The following CCDC27 variants were observed in gnomAD, a reference collection of about 807,000 sequenced individuals.
The protein encoded by CCDC27 is coiled-coil domain-containing protein 27.
In CCDC27, 80 loss-of-function variants were observed where a neutral mutation model predicts 80.3. The ratio of observed to expected loss-of-function variants is 1.00; its 90% confidence interval spans 0.83 to 1.20. The LOEUF (loss-of-function observed/expected upper bound fraction) is 1.20. CCDC27 is among the 50% of genes most tolerant of loss of function. CCDC27 has a pLI of 0.00. For missense variants in CCDC27, 815 were observed against 809.4 expected (o/e 1.01, Z -0.08); for synonymous variants, 342 against 334.3 (o/e 1.02, Z -0.25).
At chr1:3,758,247 T>C (rs1643007590) in intron 4 of CCDC27, among the ~76,000 whole-genome samples, 1 of 152,182 alleles carries the variant, frequency 6.6e-6, no homozygotes, top group Non-Finnish European at 1.5e-5. Flanking sequence ...TGGAGTGCAG[T>C]GGCGCCATTC....
Position 3,771,592 on chromosome 1 carries a change from C to T in CCDC27, c.*69C>T. 1 of 1,540,460 alleles carries T rather than the reference C, an allele frequency of 6.5e-7. No homozygotes were observed. The highest frequency in any genetic ancestry group is 1.1e-5 in the South Asian group (1 of 87,256). Reference sequence around the variant, plus strand: ...GGCCCAGCTCCAGAACCACCCGCCCCCACCATGCGTCCTGCTCTCAGACTC... The same window carrying T: ...GGCCCAGCTCCAGAACCACCCGCCCTCACCATGCGTCCTGCTCTCAGACTC... On this transcript the variant is annotated 3_prime_UTR_variant, in exon 12 of 12. Coordinates refer to ENST00000294600, the MANE Select transcript of CCDC27 (RefSeq NM_152492.3).
At position 3,763,602 on chromosome 1, in the gene CCDC27, C is replaced by A; in HGVS notation, c.1322-104C>A. 1 of 1,564,626 alleles carries A rather than the reference C, an allele frequency of 6.4e-7. No individual in the cohort carries two copies. The highest frequency in any genetic ancestry group is 1.2e-5 in the South Asian group (1 of 85,084). Reference sequence around the variant, plus strand: ...AGGGGCAGGTGTCGGCAGCCTCACCCAGGCTGGCAGAGCCCTCCCAGCTGC... The same window carrying A: ...AGGGGCAGGTGTCGGCAGCCTCACCAAGGCTGGCAGAGCCCTCCCAGCTGC... On this transcript the variant is annotated intron_variant, in intron 7 of 11. Coordinates refer to ENST00000294600, the MANE Select transcript of CCDC27 (RefSeq NM_152492.3). The surrounding 1 kb of genome is among the most constrained non-coding windows in gnomAD (Gnocchi z 7.5).
Position 3,754,199 on chromosome 1 carries a change from T to G in CCDC27, c.400T>G (p.Cys134Gly). Residue 134 changes from cysteine (C) to glycine (G), a missense_variant, in exon 2 of 12, where the codon TGC becomes GGC. Coordinates refer to ENST00000294600, the MANE Select transcript of CCDC27 (RefSeq NM_152492.3). The stretch of plus-strand genomic sequence containing the variant: ...AAGGGTCTTCCCCACGCATCCTGAC[T>G]GCCCCCAGTTCAGCACCAGGGCCAC... ...LRRVFPTHPDCPQFSTRATSM... is the reference protein window; with the variant it reads ...LRRVFPTHPDGPQFSTRATSM... The G allele has an allele frequency of 1.2e-6, 2 of 1,613,552 alleles. No individual in the cohort carries two copies. The highest frequency in any genetic ancestry group is 1.7e-6 in the Non-Finnish European group (2 of 1,179,816).
intron 11 of CCDC27, among the ~76,000 whole-genome samples, chr1:3,770,198 C>T (rs545251162): frequency 1.3e-5 from 2 of 152,302 alleles, no homozygotes; most frequent in South Asian, 2.1e-4. Context: ...CCGCTCAGGG[C>T]ACGAAGATTC....
intron 2 of CCDC27, 87 bp downstream of exon 2, chr1:3,754,328 G>A (rs1343397381): frequency 9.0e-6 from 13 of 1,446,958 alleles, no homozygotes; most frequent in Admixed American, 5.2e-5. Context: ...TTCAGCCTGC[G>A]AGCAGCCGCC....
intron 11 of CCDC27, among the ~76,000 whole-genome samples, chr1:3,770,179 G>A (rs915036773): frequency 6.6e-6 from 1 of 152,186 alleles, no homozygotes; most frequent in Admixed American, 6.5e-5. Context: ...GCTGTGGAGA[G>A]GGGACAAGCC....
In CCDC27 at chr1:3,755,543, C is replaced by A; in HGVS notation, c.529C>A (p.Arg177=). The part of the protein sequence containing the change: ...RGTQDLFLAR[R]GSDTNVDGYL... ...CACCCAGGACCTGTTCTTGGCCAGGCGGGGCTCAGACACGAACGTGGACGG... is the reference window on the plus strand; with the variant it reads ...CACCCAGGACCTGTTCTTGGCCAGGAGGGGCTCAGACACGAACGTGGACGG... The change falls in exon 3 of 12, where the codon CGG becomes AGG. Residue 177 remains arginine, a synonymous_variant. Transcript: ENST00000294600. 1 of 1,613,972 alleles carries A rather than the reference C, an allele frequency of 6.2e-7. No homozygotes were observed. Among genetic ancestry groups the A allele is most frequent in the Non-Finnish European group, 8.5e-7 (1 of 1,179,946 alleles).
rs1049798888 is a variant in CCDC27 at position 3,762,610 on chromosome 1, C to A, written c.862-10C>A. On this transcript the variant is annotated splice_polypyrimidine_tract_variant and intron_variant, in intron 5 of 11. Coordinates refer to ENST00000294600, the MANE Select transcript of CCDC27 (RefSeq NM_152492.3). ...GCTGGAAAGCTGAGGGTCCCACGGG[C>A]GTCTTGCAGGAGCAGCTCTCAGACG... The A allele has an allele frequency of 2.2e-5, 34 of 1,549,604 alleles. No individual in the cohort carries two copies. The highest frequency in any genetic ancestry group is 2.8e-5 in the Non-Finnish European group (32 of 1,145,906).
In CCDC27 at chr1:3,757,737, C is replaced by T. The variant is rs561018070; in HGVS notation, c.711+847C>T. On this transcript the variant is annotated intron_variant, in intron 4 of 11. Transcript: ENST00000294600. ...AGGAGATCGAGACCATCCTGGCTAA[C>T]ACGCGAAACCCCGTCTCTACTAAAA... Among the ~76,000 whole-genome samples the T allele has an allele frequency of 3.3e-5, 5 of 152,124 alleles. No individual in the cohort carries two copies. The East Asian group carries it at 9.7e-4, about 30-fold the overall frequency.
chr1:3,755,723 G>A, intron 3 of CCDC27, 156 bp downstream of exon 3: 1 of 645,150 alleles, frequency 1.6e-6, no homozygotes, highest in Non-Finnish European at 2.8e-6. Flanking sequence ...CCTCCCTTGT[G>A]CAGAACTAGC....
rs780310658 is a variant in CCDC27 at position 3,763,312 on chromosome 1, A to G, written c.1159A>G (p.Arg387Gly). ...EGDRDEDSEERELPEEEEIPR... is the reference protein window; with the variant it reads ...EGDRDEDSEEGELPEEEEIPR... ...GGACAGGGATGAGGACTCAGAGGAAAGGGAGCTGCCGGAGGAAGAGGAGAT... is the reference window on the plus strand; with the variant it reads ...GGACAGGGATGAGGACTCAGAGGAAGGGGAGCTGCCGGAGGAAGAGGAGAT... The change falls in exon 7 of 12, where the codon AGG becomes GGG. Residue 387 changes from arginine to glycine, a missense_variant. Coordinates refer to ENST00000294600, the MANE Select transcript of CCDC27 (RefSeq NM_152492.3). The surrounding 1 kb of genome is among the most constrained non-coding windows in gnomAD (Gnocchi z 7.5). The G allele has an allele frequency of 6.8e-6, 11 of 1,609,958 alleles. No individual in the cohort carries two copies. In the South Asian group the frequency reaches 1.2e-4, roughly 18 times the overall value.
In CCDC27 at chr1:3,763,742, A is replaced by G. The variant is rs998446370; in HGVS notation, c.1358A>G (p.Gln453Arg). The G allele has an allele frequency of 6.2e-7, 1 of 1,614,010 alleles. No homozygotes were observed. The highest frequency in any genetic ancestry group is 1.3e-5 in the African/African-American group (1 of 74,922). ...TCTTTACAACAACAAGTGGATTTCC[A>G]AGAAACCCAGCTGCGAAAGATCAAT... ...IASLQQQVDFQETQLRKINTE... is the reference protein window; with the variant it reads ...IASLQQQVDFRETQLRKINTE... The change falls in exon 8 of 12, where the codon CAA (glutamine) becomes CGA (arginine). Residue 453 changes from glutamine to arginine, a missense_variant. Transcript: ENST00000294600. The surrounding 1 kb of genome is among the most constrained non-coding windows in gnomAD (Gnocchi z 7.5).
intron 11 of CCDC27, among the ~76,000 whole-genome samples, chr1:3,770,870 G>A (rs920880913): frequency 8.6e-5 from 13 of 150,800 alleles, no homozygotes; most frequent in Middle Eastern, 3.4e-3. Flanking sequence ...TATTCCCACC[G>A]CACAGTAGCC....
In CCDC27 at chr1:3,763,287, G is replaced by A. The variant is rs1359402150; in HGVS notation, c.1134G>A (p.Gly378=). ...EGSEEEEEEE[G]DRDEDSEERE... ...GCGAGGAGGAGGAAGAGGAGGAAGGGGACAGGGATGAGGACTCAGAGGAAA... is the reference window on the plus strand; with the variant it reads ...GCGAGGAGGAGGAAGAGGAGGAAGGAGACAGGGATGAGGACTCAGAGGAAA... The change falls in exon 7 of 12, where the codon GGG becomes GGA. Residue 378 remains glycine (G), a synonymous_variant. Coordinates refer to ENST00000294600, the MANE Select transcript of CCDC27 (RefSeq NM_152492.3). The surrounding 1 kb of genome is among the most constrained non-coding windows in gnomAD (Gnocchi z 7.5). 11 of 1,598,354 alleles carry A rather than the reference G, an allele frequency of 6.9e-6. No homozygotes were observed. The highest frequency in any genetic ancestry group is 1.1e-5 in the South Asian group (1 of 89,250).
rs917127709 is a variant in CCDC27 at position 3,763,615 on chromosome 1, C to T, written c.1322-91C>T. The T allele has an allele frequency of 9.5e-6, 15 of 1,577,536 alleles. No individual in the cohort carries two copies. In the Admixed American group the frequency reaches 1.7e-4, roughly 18 times the overall value. On this transcript the variant is annotated intron_variant, in intron 7 of 11. Coordinates refer to ENST00000294600, the MANE Select transcript of CCDC27 (RefSeq NM_152492.3). The surrounding 1 kb of genome is among the most constrained non-coding windows in gnomAD (Gnocchi z 7.5). ...GGCAGCCTCACCCAGGCTGGCAGAG[C>T]CCTCCCAGCTGCCGCAGTGGCCCGG...
In CCDC27 at chr1:3,752,769, C is replaced by T. The variant is rs1642854328; in HGVS notation, c.288C>T (p.Val96=). The T allele has an allele frequency of 6.2e-7, 1 of 1,613,156 alleles. No individual in the cohort carries two copies. The highest frequency in any genetic ancestry group is 8.5e-7 in the Non-Finnish European group (1 of 1,179,652). ...HQKPRTLSKS[V]QTISRYYRKT... ...AGCCACGCACGCTCAGCAAGTCGGT[C>T]CAGACCATCAGCCGCTACTACAGGA... Residue 96 remains valine (V), a synonymous_variant, in exon 1 of 12, where the codon GTC becomes GTT. Coordinates refer to ENST00000294600, the MANE Select transcript of CCDC27 (RefSeq NM_152492.3).
chr1:3,754,059 A>G lies in CCDC27; in HGVS notation c.319-59A>G. 9.4e-6 allele frequency: 15 copies of G among 1,590,170 alleles called. 1 individual carries two copies. The South Asian group carries it at 1.7e-4, about 18-fold the overall frequency. On this transcript the variant is annotated intron_variant, in intron 1 of 11. Coordinates refer to ENST00000294600, the MANE Select transcript of CCDC27 (RefSeq NM_152492.3). ...TTAGGGAAACAGGGTCTGCCCTTGG[A>G]TGGGCTGGCCTACAGTCAGGGGCCT...
chr1:3,763,962 C>A lies in CCDC27; in HGVS notation c.1452+126C>A. 7.0e-7 allele frequency: 1 copy of A among 1,426,540 alleles called. No homozygotes were observed. Among genetic ancestry groups the A allele is most frequent in the Non-Finnish European group, 9.3e-7 (1 of 1,074,668 alleles). The allele number at this position is 1,426,540 out of a possible 1,614,324, so 88.4% of individuals were successfully genotyped here. A position where few individuals can be genotyped will look rare whatever the true frequency, so the allele number is the denominator to read the frequency against. On this transcript the variant is annotated intron_variant, in intron 8 of 11. Coordinates refer to ENST00000294600, the MANE Select transcript of CCDC27 (RefSeq NM_152492.3). This position sits in a 1 kb window ranked among gnomAD's most constrained non-coding sequence, Gnocchi z 7.5. ...GATGGAGACTTTGAGCCTGGGGTGT[C>A]CAGGCAGCTGGCCCAGGGTTGTGCG...
rs1643278851 is a variant in CCDC27 at position 3,768,130 on chromosome 1, T to C, written c.1743+685T>C. On this transcript the variant is annotated intron_variant, in intron 10 of 11. Coordinates refer to ENST00000294600, the MANE Select transcript of CCDC27 (RefSeq NM_152492.3). This position sits in a 1 kb window ranked among gnomAD's most constrained non-coding sequence, Gnocchi z 5.6. ...TTTTTTCTGAGACAGGGTCTTTCTC[T>C]GTCATCCAGTCTGGAGTGCAGTGGG... Among the ~76,000 whole-genome samples, 2 of 148,912 alleles carry C rather than the reference T, an allele frequency of 1.3e-5. No individual in the cohort carries two copies. The highest frequency in any genetic ancestry group is 3.0e-5 in the Non-Finnish European group (2 of 67,446).
Sources: gnomAD v4.1 joint callset for allele counts (sites outside exome capture counted in the v4.1 genomes callset) on GRCh38, gnomAD v4.1.1 for gene constraint, Gnocchi (gnomAD v3.1) non-coding constraint, MANE v1.5 for transcripts, NCBI Gene and HGNC (gene_info 2026-07-23, HGNC 2026-07-21) for gene names.